PRDM1: variants seen among roughly 807,000 people sequenced by gnomAD.
PRDM1 encodes PR domain zinc finger protein 1.
In PRDM1, 13 loss-of-function variants were observed where a neutral mutation model predicts 62.8. The observed-to-expected ratio is 0.21, with a 90% CI of 0.13 to 0.33. PRDM1 has a LOEUF of 0.33. Ranked by LOEUF, PRDM1 falls within the 10% of genes least tolerant of loss-of-function variation. The pLI is 1.00. For missense variants in PRDM1, 895 were observed against 1,058.8 expected, an observed-to-expected ratio of 0.85 and a Z score of 2.15; for synonymous variants, 396 against 417.6, an observed-to-expected ratio of 0.95 and a Z score of 0.63.
chr6:106,038,235 T>TG (rs1328959523), intron 1 of PRDM1, among the ~76,000 whole-genome samples: 1 of 152,010 alleles, frequency 6.6e-6, no homozygotes, highest in African/African-American at 2.4e-5. Flanking sequence ...TCTGCCTGCC[T>TG]GGGCCTCCCA....
In PRDM1 at chr6:106,105,224, G is replaced by C. The variant is rs1260634624; in HGVS notation, c.1064G>C (p.Ser355Thr). 9 of 1,613,734 alleles carry C rather than the reference G, an allele frequency of 5.6e-6. No homozygotes were observed. Among genetic ancestry groups the C allele is most frequent in the Non-Finnish European group, 6.8e-6 (8 of 1,180,006 alleles). ...CTCAAGAGCTCCAGCCCTCACAGCA[G>C]CCCTGGGAATACGGTGTCCCCTGTG... The part of the protein sequence containing the change: ...QSLKSSSPHS[S>T]PGNTVSPVGP... The change falls in exon 5 of 7, where the codon AGC (serine) becomes ACC (threonine). Residue 355 changes from serine to threonine, a missense_variant. Ser to Thr is a moderately conservative substitution (Grantham distance 58, BLOSUM62 1). Transcript: ENST00000369096.
intron 1 of PRDM1, among the ~76,000 whole-genome samples, chr6:106,010,323 A>G (rs891768020): frequency 1.3e-5 from 2 of 152,232 alleles, no homozygotes; most frequent in African/African-American, 2.4e-5. Context: ...ATATGAATAA[A>G]TGATAGTTTA....
chr6:106,074,633 T>C (rs1359370266), intron 1 of PRDM1, among the ~76,000 whole-genome samples: 2 of 151,994 alleles, frequency 1.3e-5, no homozygotes, highest in Non-Finnish European at 2.9e-5. Flanking sequence ...GTAATTGAAA[T>C]AGATGAAACA....
chr6:106,062,102 T>TA (rs753806656), intron 1 of PRDM1, among the ~76,000 whole-genome samples: 22 of 152,202 alleles, frequency 1.4e-4, no homozygotes, highest in East Asian at 3.8e-4. Flanking sequence ...TTTAAAATTG[T>TA]AAAAAAATCT....
chr6:106,099,182 C>A, intron 3 of PRDM1, 118 bp from the exon 4 acceptor site: 1 of 1,602,340 alleles, frequency 6.2e-7, no homozygotes, highest in Non-Finnish European at 8.6e-7. Flanking sequence ...GATTCTTTTT[C>A]TAACTAGGCA....
intron 1 of PRDM1, among the ~76,000 whole-genome samples, chr6:106,017,787 A>G (rs1170026276): frequency 6.6e-6 from 1 of 152,208 alleles, no homozygotes; most frequent in Non-Finnish European, 1.5e-5. Flanking sequence ...TCTGTCAGTC[A>G]TCAGGATACT....
At chr6:106,052,994 A>G (rs1773204246) in intron 1 of PRDM1, among the ~76,000 whole-genome samples, 1 of 152,136 alleles carries the variant, frequency 6.6e-6, no homozygotes, top group African/African-American at 2.4e-5. Flanking sequence ...GTCACTATTT[A>G]GAGGAAATTA....
At chr6:105,999,913 G>A (rs1772408017) in intron 1 of PRDM1, among the ~76,000 whole-genome samples, 1 of 152,092 alleles carries the variant, frequency 6.6e-6, no homozygotes, top group African/African-American at 2.4e-5. Context: ...GAGTGCAGTG[G>A]CGCCATCTCG....
At chr6:106,047,366 A>G (rs1773096849), upstream of PRDM1, among the ~76,000 whole-genome samples, 1 of 152,250 alleles carries the variant, frequency 6.6e-6, no homozygotes, top group African/African-American at 2.4e-5. Context: ...CTAGCATAGT[A>G]CACCTTAAAA....
intron 1 of PRDM1, among the ~76,000 whole-genome samples, chr6:106,075,085 C>T (rs766366581): frequency 3.3e-5 from 5 of 151,980 alleles, no homozygotes; most frequent in Admixed American, 6.6e-5. Flanking sequence ...AAGCATCAAC[C>T]ATGTTGATTA....
At chr6:106,081,545 G>T (rs991085683), upstream of PRDM1, among the ~76,000 whole-genome samples, 1 of 152,176 alleles carries the variant, frequency 6.6e-6, no homozygotes, top group African/African-American at 2.4e-5. Flanking sequence ...TGTAGAAGGG[G>T]ATATATGGTC....
intron 4 of PRDM1, among the ~76,000 whole-genome samples, chr6:106,103,916 G>C (rs2114647580): frequency 6.6e-6 from 1 of 152,350 alleles, no homozygotes; most frequent in South Asian, 2.1e-4. Context: ...AGACCAGACA[G>C]AGCCTTGGTG....
intron 1 of PRDM1, among the ~76,000 whole-genome samples, chr6:106,002,001 A>T (rs1356386514): frequency 6.6e-6 from 1 of 152,188 alleles, no homozygotes; most frequent in Non-Finnish European, 1.5e-5. Context: ...AACTAATTTG[A>T]AACCTGCTGT....
At chr6:106,030,860 G>T (rs1193448639) in intron 1 of PRDM1, among the ~76,000 whole-genome samples, 1 of 152,114 alleles carries the variant, frequency 6.6e-6, no homozygotes, top group East Asian at 1.9e-4. Context: ...GTCTATTTCT[G>T]TATTGTTATA....
At chr6:106,038,128 G>A (rs1355912572) in intron 1 of PRDM1, among the ~76,000 whole-genome samples, 1 of 148,152 alleles carries the variant, frequency 6.7e-6, no homozygotes. Flanking sequence ...GGGATTACAG[G>A]CATGCACCAC....
rs1774508095 is a variant in PRDM1 at position 106,106,903 on chromosome 6, C to T, written c.1903-8C>T. Reference sequence around the variant, plus strand: ...CCTTCCCTGCTGTCTCTCTCCCCTACACTGTAGGTCTGCCACAAGAGATTT... The same window carrying T: ...CCTTCCCTGCTGTCTCTCTCCCCTATACTGTAGGTCTGCCACAAGAGATTT... On this transcript the variant is annotated splice_polypyrimidine_tract_variant and splice_region_variant and intron_variant, in intron 6 of 6. Coordinates refer to ENST00000369096, the MANE Select transcript of PRDM1 (RefSeq NM_001198.4). The surrounding 1 kb of genome is among the most constrained non-coding windows in gnomAD (Gnocchi z 4.4). 11 of 1,608,744 alleles carry T rather than the reference C, an allele frequency of 6.8e-6. No homozygotes were observed. Among genetic ancestry groups the T allele is most frequent in the African/African-American group, 1.3e-5 (1 of 74,854 alleles).
intron 1 of PRDM1, among the ~76,000 whole-genome samples, chr6:106,071,409 A>T (rs1391493319): frequency 6.6e-6 from 1 of 152,128 alleles, no homozygotes; most frequent in Non-Finnish European, 1.5e-5. Context: ...ACACACACAC[A>T]TACATACATA....
At chr6:106,100,796 G>T (rs940584555) in intron 4 of PRDM1, among the ~76,000 whole-genome samples, 15 of 152,140 alleles carry the variant, frequency 9.9e-5, no homozygotes, top group South Asian at 2.1e-4. Context: ...AGGGGAGGTC[G>T]TGTGTTTGGG....
intron 1 of PRDM1, among the ~76,000 whole-genome samples, chr6:106,063,661 G>A (rs947881200): frequency 9.9e-5 from 15 of 152,112 alleles, no homozygotes; most frequent in African/African-American, 3.4e-4. Context: ...TTAAGTTTAC[G>A]ACATGCTGAA....
Sources: allele counts gnomAD v4.1 joint callset (sites outside exome capture counted in the v4.1 genomes callset), GRCh38; gene constraint gnomAD v4.1.1; non-coding constraint Gnocchi (gnomAD v3.1); transcripts MANE v1.5; gene names NCBI Gene and HGNC (gene_info 2026-07-23, HGNC 2026-07-21).